The following PLPPR1 variants were observed in gnomAD, a reference collection of about 807,000 sequenced individuals.
The protein encoded by PLPPR1 is phospholipid phosphatase related 1, also known as phospholipid phosphatase-related protein type 1.
Under a neutral mutation model 33.1 loss-of-function variants are expected in PLPPR1, and 10 were observed. The ratio of observed to expected loss-of-function variants is 0.30; its 90% CI spans 0.19 to 0.51. The LOEUF is 0.51. PLPPR1 is among the 20% of genes least tolerant of loss of function. The probability of loss-of-function intolerance (pLI) is 0.97; values close to 1 mark genes in which losing one functional copy is unlikely to be tolerated. For missense variants in PLPPR1, 304 were observed against 408.1 expected, an observed-to-expected ratio of 0.74 and a Z score of 2.20; for synonymous variants, 151 against 151.0, an observed-to-expected ratio of 1.00 and a Z score of 0.00.
intron 1 of PLPPR1, among the ~76,000 whole-genome samples, chr9:101,132,514 A>G (rs1405387815): frequency 1.3e-5 from 2 of 152,164 alleles, no homozygotes; most frequent in Admixed American, 1.3e-4. Context: ...ATTGGGGAAG[A>G]GATGAATAGG....
At chr9:101,195,785 G>A (rs568370422) in intron 2 of PLPPR1, among the ~76,000 whole-genome samples, 8 of 152,242 alleles carry the variant, frequency 5.3e-5, no homozygotes, top group East Asian at 1.9e-4. Context: ...GTAACATCAC[G>A]TGTTCCCTGT....
At chr9:101,154,426 G>A (rs1564160077) in intron 1 of PLPPR1, among the ~76,000 whole-genome samples, 1 of 152,190 alleles carries the variant, frequency 6.6e-6, no homozygotes, top group East Asian at 1.9e-4. Flanking sequence ...CTTCTTCCTG[G>A]TTTAGTCTTG....
At chr9:101,110,249 A>G (rs1276371727) in intron 1 of PLPPR1, among the ~76,000 whole-genome samples, 1 of 152,210 alleles carries the variant, frequency 6.6e-6, no homozygotes, top group Non-Finnish European at 1.5e-5. Context: ...GATCTCACTT[A>G]TAATTTAAAA....
intron 1 of PLPPR1, among the ~76,000 whole-genome samples, chr9:101,182,945 T>C (rs1431654919): frequency 6.6e-6 from 1 of 151,602 alleles, no homozygotes; most frequent in Admixed American, 6.6e-5. Flanking sequence ...CAATGAGATA[T>C]CATTTCACGC....
chr9:101,295,464 A>G (rs1282823936), intron 4 of PLPPR1, among the ~76,000 whole-genome samples: 1 of 152,182 alleles, frequency 6.6e-6, no homozygotes, highest in African/African-American at 2.4e-5. Context: ...TAAAGTTCAT[A>G]TGGAACCAAA....
intron 2 of PLPPR1, among the ~76,000 whole-genome samples, chr9:101,265,669 T>G (rs1455012181): frequency 1.3e-5 from 2 of 152,204 alleles, no homozygotes; most frequent in Admixed American, 1.3e-4. Flanking sequence ...TTGTTTCTGT[T>G]CCTGCAGTAT....
At chr9:101,043,567 T>A (rs1830109623) in intron 1 of PLPPR1, among the ~76,000 whole-genome samples, 2 of 152,234 alleles carry the variant, frequency 1.3e-5, no homozygotes, top group South Asian at 2.1e-4. Flanking sequence ...CGGCTGTTTC[T>A]ACATTTTTGC....
chr9:101,275,862 G>A (rs998069125), intron 3 of PLPPR1, among the ~76,000 whole-genome samples: 7 of 152,128 alleles, frequency 4.6e-5, no homozygotes, highest in African/African-American at 7.2e-5. Context: ...AAGTGTGCGC[G>A]CATGCATTAC....
At position 101,028,770 on chromosome 9, in the gene PLPPR1, A is replaced by C. The variant is rs1829898053; in HGVS notation, c.-378A>C. On this transcript the variant is annotated 5_prime_UTR_variant, in exon 1 of 8. Coordinates refer to ENST00000374874, the MANE Select transcript of PLPPR1 (RefSeq NM_207299.2). ...TTCATTAAACAAACAGGAGATCCTG[A>C]AACCTGGACCCTGTGCAAGCTGCAG... 1 of 152,236 alleles carries C rather than the reference A, an allele frequency of 6.6e-6. No homozygotes were observed. The highest frequency in any genetic ancestry group is 2.4e-5 in the African/African-American group (1 of 41,428). The allele number at this position is 152,236 out of a possible 1,614,324, so 9.4% of individuals were successfully genotyped here.
chr9:101,078,487 G>A (rs540604118), intron 1 of PLPPR1, among the ~76,000 whole-genome samples: 1 of 152,006 alleles, frequency 6.6e-6, no homozygotes. Flanking sequence ...TGTGCTTCTA[G>A]ATTTTTTTCC....
At chr9:101,213,478 G>A (rs1303633461) in intron 2 of PLPPR1, among the ~76,000 whole-genome samples, 2 of 152,114 alleles carry the variant, frequency 1.3e-5, no homozygotes, top group East Asian at 3.8e-4. Context: ...TATAAAATTT[G>A]TAAATACATT....
intron 2 of PLPPR1, among the ~76,000 whole-genome samples, chr9:101,225,354 C>T (rs1160254092): frequency 6.6e-6 from 1 of 152,210 alleles, no homozygotes; most frequent in South Asian, 2.1e-4. Flanking sequence ...ATTGCCACTG[C>T]TCACACTGTG....
chr9:101,186,571 T>G (rs954634084), intron 2 of PLPPR1, among the ~76,000 whole-genome samples: 1 of 151,886 alleles, frequency 6.6e-6, no homozygotes, highest in Non-Finnish European at 1.5e-5. Context: ...AAAAATGTAC[T>G]TTCAGTACAT....
chr9:101,233,652 CCTT>C (rs1378502302), intron 2 of PLPPR1, among the ~76,000 whole-genome samples: 2 of 151,928 alleles, frequency 1.3e-5, no homozygotes, highest in African/African-American at 2.4e-5. Flanking sequence ...CTTTCTCTCA[CCTT>C]CTGACATGTA....
rs563867506 is a variant in PLPPR1 at position 101,231,705 on chromosome 9, A to G, written c.64-38175A>G. Among the ~76,000 whole-genome samples the G allele has an allele frequency of 2.0e-5, 3 of 152,240 alleles. No homozygotes were observed. In the South Asian group the frequency reaches 6.2e-4, roughly 32 times the overall value. Reference sequence around the variant, plus strand: ...ACAAAGATTCATTTGTGTCACCACAATAATAAAACCCATATATTAGAGAAA... The same window carrying G: ...ACAAAGATTCATTTGTGTCACCACAGTAATAAAACCCATATATTAGAGAAA... On this transcript the variant is annotated intron_variant, in intron 2 of 7. Coordinates refer to ENST00000374874, the MANE Select transcript of PLPPR1 (RefSeq NM_207299.2).
intron 2 of PLPPR1, among the ~76,000 whole-genome samples, chr9:101,201,802 C>G (rs1826499134): frequency 6.6e-6 from 1 of 152,106 alleles, no homozygotes; most frequent in Non-Finnish European, 1.5e-5. Context: ...AACAACTCAT[C>G]TTGGGTTAAG....
At position 101,112,143 on chromosome 9, in the gene PLPPR1, C is replaced by T. The variant is rs80175035; in HGVS notation, c.-45-73307C>T. ...CAATGTTATTTAAACATCTTACCTG[C>T]GTATTAGCTTAACACCTAGTTTGTC... On this transcript the variant is annotated intron_variant, in intron 1 of 7. Coordinates refer to ENST00000374874, the MANE Select transcript of PLPPR1 (RefSeq NM_207299.2). Among the ~76,000 whole-genome samples the T allele has an allele frequency of 1.9e-3, 294 of 152,234 alleles. 1 individual carries two copies. The highest frequency in any genetic ancestry group is 3.4e-3 in the Non-Finnish European group (229 of 68,002).
intron 2 of PLPPR1, among the ~76,000 whole-genome samples, chr9:101,246,276 C>T (rs1827610968): frequency 6.6e-6 from 1 of 151,418 alleles, no homozygotes; most frequent in South Asian, 2.1e-4. Context: ...GGAGTAGTAG[C>T]ACATGAAATA....
At chr9:101,165,955 G>A (rs908435717) in intron 1 of PLPPR1, among the ~76,000 whole-genome samples, 3 of 151,956 alleles carry the variant, frequency 2.0e-5, no homozygotes, top group East Asian at 1.9e-4. Flanking sequence ...AGGAGTCTTC[G>A]GCCACTTTAC....
Sources: allele counts gnomAD v4.1 joint callset (sites outside exome capture counted in the v4.1 genomes callset), GRCh38; gene constraint gnomAD v4.1.1; transcripts MANE v1.5; gene names NCBI Gene and HGNC (gene_info 2026-07-23, HGNC 2026-07-21).